Variants in PARD3 observed in about 807,000 individuals in gnomAD.
PARD3 encodes par-3 family cell polarity regulator.
In PARD3, 75 loss-of-function variants were observed where a neutral mutation model predicts 155.4. That is an observed-to-expected ratio of 0.48 (90% confidence interval 0.40 to 0.58). The LOEUF (loss-of-function observed/expected upper bound fraction) is 0.58. Ranked by LOEUF, PARD3 falls within the 20% of genes least tolerant of loss-of-function variation. The pLI, the probability that PARD3 is intolerant of heterozygous loss-of-function variation, is 0.00. For synonymous variants in PARD3, 576 were observed against 610.5 expected (o/e 0.94, Z 0.83); for missense variants, 1,642 against 1,721.7 (o/e 0.95, Z 0.82).
At chr10:34,403,060 G>A (rs1564673769) in intron 5 of PARD3, among the ~76,000 whole-genome samples, 1 of 152,156 alleles carries the variant, frequency 6.6e-6, no homozygotes, top group Non-Finnish European at 1.5e-5. Flanking sequence ...TGGAGGCATA[G>A]TCTTTGGCAC....
chr10:34,297,268 A>G (rs763129126), intron 20 of PARD3, among the ~76,000 whole-genome samples: 11 of 152,182 alleles, frequency 7.2e-5, no homozygotes, highest in Non-Finnish European at 1.2e-4. Flanking sequence ...ACACCACTGC[A>G]CTTCAGTCTC....
At chr10:34,785,110 A>C (rs1588735408) in intron 1 of PARD3, among the ~76,000 whole-genome samples, 1 of 152,262 alleles carries the variant, frequency 6.6e-6, no homozygotes, top group East Asian at 1.9e-4. Flanking sequence ...CTAGACAAAG[A>C]GTTCTAAGGA....
intron 1 of PARD3, among the ~76,000 whole-genome samples, chr10:34,711,395 T>A (rs929899071): frequency 6.6e-6 from 1 of 151,930 alleles, no homozygotes; most frequent in African/African-American, 2.4e-5. Context: ...GTGATGGGCA[T>A]CTGTAATCCC....
intron 2 of PARD3, among the ~76,000 whole-genome samples, chr10:34,649,094 C>T (rs938681423): frequency 6.6e-6 from 1 of 152,142 alleles, no homozygotes; most frequent in Non-Finnish European, 1.5e-5. Context: ...CCAGTAAAGG[C>T]CAGGCATGAC....
intron 15 of PARD3, chr10:34,345,467 C>T: frequency 1.0e-6 from 1 of 985,006 alleles, no homozygotes; most frequent in Non-Finnish European, 1.2e-6. Flanking sequence ...CATAGCAGAT[C>T]ATGAAGTAAA....
intron 2 of PARD3, among the ~76,000 whole-genome samples, chr10:34,535,726 T>G (rs920467865): frequency 3.9e-5 from 6 of 151,928 alleles, no homozygotes; most frequent in African/African-American, 1.5e-4. Flanking sequence ...TCCACCAGCC[T>G]CAGCCTTCCA....
At chr10:34,275,203 G>A (rs1275497854) in intron 21 of PARD3, among the ~76,000 whole-genome samples, 1 of 152,104 alleles carries the variant, frequency 6.6e-6, no homozygotes, top group African/African-American at 2.4e-5. Context: ...CAATAATGAA[G>A]GAATTGTATT....
intron 19 of PARD3, among the ~76,000 whole-genome samples, chr10:34,322,596 A>G (rs926816878): frequency 1.3e-5 from 2 of 152,182 alleles, no homozygotes; most frequent in African/African-American, 4.8e-5. Flanking sequence ...CTAGATTTAA[A>G]TAATTTGTTT....
At position 34,533,343 on chromosome 10, in the gene PARD3, T is replaced by G. The variant is rs184891248; in HGVS notation, c.223-16184A>C. Among the ~76,000 whole-genome samples the G allele has an allele frequency of 4.6e-5, 7 of 152,182 alleles. No individual in the cohort carries two copies. In the South Asian group the frequency reaches 1.4e-3, roughly 31 times the overall value. ...CTGGGTACTATGCTCACTACCTGGA[T>G]TGCGGGATCATCCATACCCCAAACC... On this transcript the variant is annotated intron_variant, in intron 2 of 24. Transcript: ENST00000374788.
intron 15 of PARD3, among the ~76,000 whole-genome samples, chr10:34,342,955 C>T (rs575968555): frequency 2.0e-5 from 3 of 152,110 alleles, no homozygotes; most frequent in South Asian, 2.1e-4. Flanking sequence ...TATATAAATG[C>T]TAATGATAAA....
chr10:34,689,984 G>A (rs577411138), intron 2 of PARD3, among the ~76,000 whole-genome samples: 2 of 151,816 alleles, frequency 1.3e-5, no homozygotes, highest in African/African-American at 4.8e-5. Context: ...TTGCTATGTC[G>A]CCCAGGCTGG....
At chr10:34,586,432 G>A (rs896969630) in intron 2 of PARD3, among the ~76,000 whole-genome samples, 2 of 152,074 alleles carry the variant, frequency 1.3e-5, no homozygotes, top group African/African-American at 4.8e-5. Flanking sequence ...GAGGGGAAGG[G>A]GCAGAGAAAT....
At chr10:34,606,160 G>A (rs1347987433) in intron 2 of PARD3, among the ~76,000 whole-genome samples, 1 of 8,856 alleles carries the variant, frequency 1.1e-4, no homozygotes, top group Non-Finnish European at 1.6e-4. Flanking sequence ...AGGGAAATGT[G>A]TGTGTGTGTG....
chr10:34,411,607 AT>A (rs1845061318), intron 5 of PARD3, among the ~76,000 whole-genome samples: 2 of 151,984 alleles, frequency 1.3e-5, no homozygotes, highest in Admixed American at 6.6e-5. Context: ...TCCTTACACC[AT>A]TGGTTCTCCT....
intron 22 of PARD3, among the ~76,000 whole-genome samples, chr10:34,145,224 T>A (rs1263845132): frequency 2.1e-3 from 169 of 79,840 alleles, no homozygotes; most frequent in East Asian, 0.011. Context: ...TATATATATT[T>A]TTTTTTTTTT....
chr10:34,642,266 C>G (rs1437540949), intron 2 of PARD3, among the ~76,000 whole-genome samples: 1 of 152,130 alleles, frequency 6.6e-6, no homozygotes, highest in Non-Finnish European at 1.5e-5. Context: ...TCTCTCCACT[C>G]AATCCTTCCA....
intron 2 of PARD3, among the ~76,000 whole-genome samples, chr10:34,637,702 G>A (rs1379823554): frequency 6.6e-6 from 1 of 152,162 alleles, no homozygotes; most frequent in Non-Finnish European, 1.5e-5. Flanking sequence ...CCTAAAGAAG[G>A]GCAGAGCAAA....
intron 1 of PARD3, among the ~76,000 whole-genome samples, chr10:34,741,474 T>G (rs1020115534): frequency 6.6e-5 from 10 of 152,120 alleles, no homozygotes; most frequent in African/African-American, 2.4e-4. Context: ...CATGAGCCAC[T>G]GTGCCCAGCC....
chr10:34,392,041 C>T (rs1445114393), intron 7 of PARD3, among the ~76,000 whole-genome samples: 1 of 152,052 alleles, frequency 6.6e-6, no homozygotes, highest in Non-Finnish European at 1.5e-5. Context: ...CCTGTGGTCG[C>T]AGCTACTAGG....
Sources: gnomAD v4.1 joint callset for allele counts (sites outside exome capture counted in the v4.1 genomes callset) on GRCh38, gnomAD v4.1.1 for gene constraint, MANE v1.5 for transcripts, NCBI Gene and HGNC (gene_info 2026-07-23, HGNC 2026-07-21) for gene names.